Variants in MAP3K4 observed in about 807,000 individuals in gnomAD.
The protein encoded by MAP3K4 is MAP three kinase 1.
MAP3K4 carries 67 observed loss-of-function variants against 185.6 expected under a neutral mutation model. The observed-to-expected ratio is 0.36, with a 90% CI of 0.30 to 0.44. The LOEUF (loss-of-function observed/expected upper bound fraction) is 0.44. Among genes scored for constraint, MAP3K4 ranks in the 20% least tolerant of loss-of-function variants. MAP3K4 has a pLI of 1.00. For synonymous variants in MAP3K4, 702 were observed against 710.4 expected, an observed-to-expected ratio of 0.99 and a Z score of 0.19; for missense variants, 1,551 against 1,995.1, an observed-to-expected ratio of 0.78 and a Z score of 4.24.
rs1054319801 is a variant in MAP3K4, at chr6:161,076,289, C to T, written c.2097+2677C>T. ...TTCTGTTGTTGACTGAAGAGCTGCCCGACAGAAGGAGCGCGAGCTATACCG... is the reference window on the plus strand; with the variant it reads ...TTCTGTTGTTGACTGAAGAGCTGCCTGACAGAAGGAGCGCGAGCTATACCG... On this transcript the variant is annotated intron_variant, in intron 5 of 26. Transcript: ENST00000392142. The surrounding 1 kb of genome is among the most constrained non-coding windows in gnomAD (Gnocchi z 4.2). Among the ~76,000 whole-genome samples, 4 of 152,126 alleles carry T rather than the reference C, an allele frequency of 2.6e-5. No individual in the cohort carries two copies. Among genetic ancestry groups the T allele is most frequent in the Non-Finnish European group, 4.4e-5 (3 of 68,028 alleles).
In MAP3K4 at chr6:161,101,370, A is replaced by C. The variant is rs535891742; in HGVS notation, c.3675-522A>C. The stretch of plus-strand genomic sequence containing the variant: ...ATCTTTTGGACCATGAAATGATTTT[A>C]GTACTTTAAATGTAATTAAGTACAT... On this transcript the variant is annotated intron_variant, in intron 17 of 26. Transcript: ENST00000392142. This position sits in a 1 kb window ranked among gnomAD's most constrained non-coding sequence, Gnocchi z 5.1. 1 of 152,314 alleles carries C rather than the reference A, an allele frequency of 6.6e-6. No individual in the cohort carries two copies. Among genetic ancestry groups the C allele is most frequent in the Non-Finnish European group, 1.5e-5 (1 of 68,044 alleles). The allele number at this position is 152,314 out of a possible 1,614,324, so 9.4% of individuals were successfully genotyped here.
intron 2 of MAP3K4, among the ~76,000 whole-genome samples, chr6:161,042,146 A>G (rs975229336): frequency 2.0e-5 from 3 of 151,958 alleles, no homozygotes; most frequent in Non-Finnish European, 4.4e-5. Context: ...TGAGCTGGCT[A>G]AGGACTTGAA....
Position 161,049,707 on chromosome 6 carries a change from G to C in MAP3K4, c.1435G>C (p.Asp479His), listed in dbSNP as rs759938401. The C allele has an allele frequency of 1.2e-6, 2 of 1,614,132 alleles. No individual in the cohort carries two copies. Among genetic ancestry groups the C allele is most frequent in the East Asian group, 2.2e-5 (1 of 44,868 alleles). Residue 479 changes from aspartate to histidine, a missense_variant, in exon 3 of 27, where the codon GAT becomes CAT. Asp to His is a moderately conservative substitution (Grantham distance 81, BLOSUM62 -1). This residue lies in a region of MAP3K4 where 126 missense variants were observed against 112.8 expected (regional missense o/e 1.12). Coordinates refer to ENST00000392142, the MANE Select transcript of MAP3K4 (RefSeq NM_005922.4). This position sits in a 1 kb window ranked among gnomAD's most constrained non-coding sequence, Gnocchi z 8.4. ...PRVPEIRQPI[D>H]NSFDIQSRDC... ...GGTACCGGAAATCAGACAGCCCATA[G>C]ATAACAGCTTCGACATCCAGTCGCG...
chr6:161,101,016 A>C lies in MAP3K4; in HGVS notation c.3675-876A>C, dbSNP rs981141959. 6.6e-6 allele frequency: 1 copy of C among 152,212 alleles called. No homozygotes were observed. Among genetic ancestry groups the C allele is most frequent in the Non-Finnish European group, 1.5e-5 (1 of 68,044 alleles). 9.4% of individuals were successfully genotyped at this position (152,212 alleles called of 1,614,324 possible). A position where few individuals can be genotyped will look rare whatever the true frequency, so the allele number is the denominator to read the frequency against. On this transcript the variant is annotated intron_variant, in intron 17 of 26. Coordinates refer to ENST00000392142, the MANE Select transcript of MAP3K4 (RefSeq NM_005922.4). The surrounding 1 kb of genome is among the most constrained non-coding windows in gnomAD (Gnocchi z 5.1). ...TAGATCATGTTGCCTTCAACCTATC[A>C]ATGTATAATAAGAGCATAAATGCTA...
rs1038080671 is a variant in MAP3K4, at chr6:160,991,926, G to T, written c.-6G>T. ...CCGCCGCGGCCATGCGGGGCTCCGT[G>T]CACGGATGAGAGAAGCCGCTGCCGC... is the stretch of plus-strand genomic sequence containing the variant. On this transcript the variant is annotated 5_prime_UTR_variant, in exon 1 of 27. Transcript: ENST00000392142. The surrounding 1 kb of genome is among the most constrained non-coding windows in gnomAD (Gnocchi z 5.7). The T allele has an allele frequency of 2.0e-6, 3 of 1,532,396 alleles. No individual in the cohort carries two copies. The highest frequency in any genetic ancestry group is 2.8e-5 in the African/African-American group (2 of 70,840). The allele number at this position is 1,532,396 out of a possible 1,614,324, so 94.9% of individuals were successfully genotyped here.
At chr6:161,029,995 C>A (rs1782849981) in intron 1 of MAP3K4, among the ~76,000 whole-genome samples, 1 of 152,100 alleles carries the variant, frequency 6.6e-6, no homozygotes, top group African/African-American at 2.4e-5. Flanking sequence ...TGGTTTTCAG[C>A]AATTTGGTTA....
In MAP3K4 at chr6:161,007,123, C is replaced by A. The variant is rs1486457623; in HGVS notation, c.152+15040C>A. On this transcript the variant is annotated intron_variant, in intron 1 of 26. Coordinates refer to ENST00000392142, the MANE Select transcript of MAP3K4 (RefSeq NM_005922.4). This position sits in a 1 kb window ranked among gnomAD's most constrained non-coding sequence, Gnocchi z 4.5. ...CCAGGAATTGTACTCATTGTTGTGTCCCCAGGTCACAGACCAGAAACAAGG... is the reference window on the plus strand; with the variant it reads ...CCAGGAATTGTACTCATTGTTGTGTACCCAGGTCACAGACCAGAAACAAGG... 6.6e-6 allele frequency among the ~76,000 whole-genome samples: 1 copy of A among 152,150 alleles called. No individual in the cohort carries two copies. The highest frequency in any genetic ancestry group is 2.4e-5 in the African/African-American group (1 of 41,428).
At chr6:161,095,136 T>C (rs1405772146) in intron 15 of MAP3K4, among the ~76,000 whole-genome samples, 1 of 152,088 alleles carries the variant, frequency 6.6e-6, no homozygotes, top group African/African-American at 2.4e-5. Context: ...CAAACTGCAG[T>C]GGGACAGTTA....
In MAP3K4 at chr6:161,111,953, C is replaced by T; in HGVS notation, c.4514C>T (p.Thr1505Ile). Residue 1505 changes from threonine to isoleucine, a missense_variant, in exon 24 of 27, where the codon ACA (threonine) becomes ATA (isoleucine). Thr to Ile is a moderately conservative substitution (Grantham distance 89). Coordinates refer to ENST00000392142, the MANE Select transcript of MAP3K4 (RefSeq NM_005922.4). ...GGTGAAGTGAACAGCACCCTGGGGA[C>T]AGCAGGTAGGGACCAGCCTGGTTGT... ...MPGEVNSTLG[T>I]AAYMAPEVIT... The T allele has an allele frequency of 6.2e-7, 1 of 1,613,842 alleles. No individual in the cohort carries two copies. The highest frequency in any genetic ancestry group is 8.5e-7 in the Non-Finnish European group (1 of 1,179,904).
rs187578001 is a variant in MAP3K4 at position 161,104,820 on chromosome 6, G to T, written c.3857-1694G>T. ...CTGTCAAAATCTTGCCCTGTGCTGG[G>T]TAGATTTGCAGTGTTGTATATTGAG... On this transcript the variant is annotated intron_variant, in intron 19 of 26. Coordinates refer to ENST00000392142, the MANE Select transcript of MAP3K4 (RefSeq NM_005922.4). 3.6e-3 allele frequency among the ~76,000 whole-genome samples: 543 copies of T among 152,214 alleles called. 4 individuals are homozygous for T. Among genetic ancestry groups the T allele is most frequent in the African/African-American group, 0.012 (518 of 41,516 alleles).
chr6:161,045,859 G>A (rs1374226996), intron 2 of MAP3K4, among the ~76,000 whole-genome samples: 4 of 151,968 alleles, frequency 2.6e-5, no homozygotes, highest in African/African-American at 9.7e-5. Context: ...TGTTTTCTTT[G>A]ACTCAAAATC....
intron 1 of MAP3K4, among the ~76,000 whole-genome samples, chr6:161,011,317 T>A (rs753313716): frequency 2.0e-5 from 3 of 152,026 alleles, no homozygotes; most frequent in Non-Finnish European, 4.4e-5. Context: ...ATAAAATGAG[T>A]ATGGTGACTT....
At chr6:161,069,680 T>G (rs555155979) in intron 3 of MAP3K4, among the ~76,000 whole-genome samples, 510 of 152,202 alleles carry the variant, frequency 3.4e-3, no homozygotes, top group Non-Finnish European at 6.3e-3. Context: ...GACGGTCCTT[T>G]TAGTATAGTG....
rs547460717 is a variant in MAP3K4 at position 161,082,836 on chromosome 6, C to T, written c.2256-1665C>T. Among the ~76,000 whole-genome samples, 11 of 152,296 alleles carry T rather than the reference C, an allele frequency of 7.2e-5. No individual in the cohort carries two copies. Among genetic ancestry groups the T allele is most frequent in the Non-Finnish European group, 1.5e-4 (10 of 68,032 alleles). On this transcript the variant is annotated intron_variant, in intron 6 of 26. Transcript: ENST00000392142. This position sits in a 1 kb window ranked among gnomAD's most constrained non-coding sequence, Gnocchi z 4.2. ...ACAGTCTCCCTACTTCTGCCTGAAG[C>T]CTCCTAGAGTTTATTCTCAACACCA...
At position 161,071,095 on chromosome 6, in the gene MAP3K4, G is replaced by A. The variant is rs1784920099; in HGVS notation, c.1950+245G>A. Among the ~76,000 whole-genome samples, 1 of 152,124 alleles carries A rather than the reference G, an allele frequency of 6.6e-6. No homozygotes were observed. Among genetic ancestry groups the A allele is most frequent in the South Asian group, 2.1e-4 (1 of 4,822 alleles). On this transcript the variant is annotated intron_variant, in intron 4 of 26. Coordinates refer to ENST00000392142, the MANE Select transcript of MAP3K4 (RefSeq NM_005922.4). This position sits in a 1 kb window ranked among gnomAD's most constrained non-coding sequence, Gnocchi z 4.6. ...ACTTCCTTGTTCTAAGTATTTTAAAGTTTCAGTCTTTGAAGACTAAAATTT... is the reference window on the plus strand; with the variant it reads ...ACTTCCTTGTTCTAAGTATTTTAAAATTTCAGTCTTTGAAGACTAAAATTT...
intron 3 of MAP3K4, among the ~76,000 whole-genome samples, chr6:161,055,979 A>T (rs960231829): frequency 6.6e-6 from 1 of 152,142 alleles, no homozygotes; most frequent in Non-Finnish European, 1.5e-5. Context: ...GCTTCTTCTC[A>T]TTTATTTGGC....
At position 161,048,735 on chromosome 6, in the gene MAP3K4, C is replaced by T. The variant is rs749575718; in HGVS notation, c.463C>T (p.Arg155Cys). ...CCGAGCAGCTCTTAGAACAACAGAG[C>T]GTGATCGTAAAAAAAATGTACAGTG... is the stretch of plus-strand genomic sequence containing the variant. ...KIRAALRTTE[R>C]DRKKNVQCSF... Residue 155 changes from arginine to cysteine, a missense_variant, in exon 3 of 27, where the codon CGT (arginine) becomes TGT (cysteine). Arg to Cys is a radical substitution (Grantham distance 180). Transcript: ENST00000392142. The surrounding 1 kb of genome is among the most constrained non-coding windows in gnomAD (Gnocchi z 4.7). The T allele has an allele frequency of 8.7e-6, 14 of 1,613,590 alleles. No individual in the cohort carries two copies. The highest frequency in any genetic ancestry group is 1.3e-5 in the African/African-American group (1 of 74,774).
chr6:161,055,759 T>C (rs1361215990), intron 3 of MAP3K4, among the ~76,000 whole-genome samples: 1 of 152,202 alleles, frequency 6.6e-6, no homozygotes, highest in Non-Finnish European at 1.5e-5. Context: ...CGCATTACAT[T>C]GTCACTGTTG....
At chr6:161,026,332 TCAC>T (rs1782654176) in intron 1 of MAP3K4, among the ~76,000 whole-genome samples, 1 of 152,096 alleles carries the variant, frequency 6.6e-6, no homozygotes, top group Non-Finnish European at 1.5e-5. Context: ...AGACGGGGTT[TCAC>T]CATGTTAGCC....
Sources: allele counts gnomAD v4.1 joint callset (sites outside exome capture counted in the v4.1 genomes callset), GRCh38; gene constraint gnomAD v4.1.1; regional missense constraint gnomAD v4.1.1; non-coding constraint Gnocchi (gnomAD v3.1); transcripts MANE v1.5; gene names NCBI Gene and HGNC (gene_info 2026-07-23, HGNC 2026-07-21).